Variants in DCBLD2 observed in about 807,000 individuals in gnomAD.
The protein encoded by DCBLD2 is discoidin, CUB and LCCL domain-containing protein 2.
A neutral mutation model predicts 86.8 loss-of-function variants in DCBLD2; 54 were observed. That is an observed-to-expected ratio of 0.62 (90% CI 0.50 to 0.78). The LOEUF (loss-of-function observed/expected upper bound fraction) is 0.78, where lower values mean the gene tolerates loss of function less well. Among genes scored for constraint, DCBLD2 ranks in the 30% least tolerant of loss-of-function variants. The pLI, the probability that DCBLD2 is intolerant of heterozygous loss-of-function variation, is 0.00. For missense variants in DCBLD2, 908 were observed against 954.2 expected, an observed-to-expected ratio of 0.95 and a Z score of 0.64; for synonymous variants, 354 against 341.3, an observed-to-expected ratio of 1.04 and a Z score of -0.41.
intron 8 of DCBLD2, among the ~76,000 whole-genome samples, chr3:98,818,270 C>G (rs1942058439): frequency 6.6e-6 from 1 of 152,054 alleles, no homozygotes; most frequent in Admixed American, 6.6e-5. Context: ...TTAAACCAAT[C>G]CCAACCAATT....
intron 2 of DCBLD2, among the ~76,000 whole-genome samples, chr3:98,857,293 G>A (rs1274482938): frequency 6.6e-6 from 1 of 152,330 alleles, no homozygotes; most frequent in Non-Finnish European, 1.5e-5. Context: ...CAAAGAGTGA[G>A]CAGTAGCAAG....
At chr3:98,852,621 C>T (rs886487870) in intron 2 of DCBLD2, among the ~76,000 whole-genome samples, 38 of 152,100 alleles carry the variant, frequency 2.5e-4, no homozygotes, top group African/African-American at 8.5e-4. Flanking sequence ...TATGGCAAAA[C>T]GGAGATTTTT....
Position 98,799,102 on chromosome 3 carries a change from T to G in DCBLD2, c.*270A>C. ...TGATTTTTAATTTCTCTGAAGTGCATTATAGGGAGCTTTTTCTGTATTAAA... is the reference window on the plus strand; with the variant it reads ...TGATTTTTAATTTCTCTGAAGTGCAGTATAGGGAGCTTTTTCTGTATTAAA... On this transcript the variant is annotated 3_prime_UTR_variant, in exon 16 of 16. Transcript: ENST00000326840. 3.2e-6 allele frequency: 1 copy of G among 315,268 alleles called. No homozygotes were observed. Among genetic ancestry groups the G allele is most frequent in the Non-Finnish European group, 5.9e-6 (1 of 169,608 alleles). The allele number at this position is 315,268 out of a possible 1,614,324, so 19.5% of individuals were successfully genotyped here. A position where few individuals can be genotyped will look rare whatever the true frequency, so the allele number is the denominator to read the frequency against.
intron 2 of DCBLD2, among the ~76,000 whole-genome samples, chr3:98,863,134 G>T (rs1943076922): frequency 6.6e-6 from 1 of 151,940 alleles, no homozygotes; most frequent in Admixed American, 6.6e-5. Context: ...GCTTCAAAGA[G>T]AATAAAATAA....
At chr3:98,820,526 T>C (rs1256403095) in intron 6 of DCBLD2, among the ~76,000 whole-genome samples, 1 of 152,208 alleles carries the variant, frequency 6.6e-6, no homozygotes, top group Non-Finnish European at 1.5e-5. Flanking sequence ...CCCAGTTTCA[T>C]ATGTGATTGT....
chr3:98,889,696 AT>A (rs1943625252), intron 1 of DCBLD2, among the ~76,000 whole-genome samples: 2 of 152,166 alleles, frequency 1.3e-5, no homozygotes, highest in Admixed American at 6.6e-5. Context: ...ATATCCTAAC[AT>A]TGCCTATAAA....
intron 3 of DCBLD2, 46 bp from the exon 4 acceptor site, chr3:98,825,412 T>C: frequency 7.3e-7 from 1 of 1,378,310 alleles, no homozygotes; most frequent in East Asian, 2.8e-5. Context: ...TATACAGGAT[T>C]ACCTTGCTGA....
chr3:98,803,874 C>T (rs1941778159), intron 13 of DCBLD2, among the ~76,000 whole-genome samples: 1 of 152,178 alleles, frequency 6.6e-6, no homozygotes, highest in Non-Finnish European at 1.5e-5. Context: ...TTGAACCAGC[C>T]TGGCATCCCA....
chr3:98,842,739 T>C (rs1433290413), intron 3 of DCBLD2, among the ~76,000 whole-genome samples: 3 of 152,246 alleles, frequency 2.0e-5, no homozygotes, highest in Non-Finnish European at 2.9e-5. Flanking sequence ...CGCTATAAGC[T>C]ACACATGGTT....
At chr3:98,817,403 T>A (rs1359247657) in intron 9 of DCBLD2, among the ~76,000 whole-genome samples, 1 of 152,206 alleles carries the variant, frequency 6.6e-6, no homozygotes, top group Non-Finnish European at 1.5e-5. Context: ...ACCTCTTGCC[T>A]ACAGAGTAGA....
chr3:98,815,895 T>A (rs1942011517), intron 9 of DCBLD2: 2 of 151,492 alleles, frequency 1.3e-5, no homozygotes, highest in African/African-American at 4.8e-5. Context: ...GGAGCATTGG[T>A]GAATGGTAAG....
At position 98,800,428 on chromosome 3, in the gene DCBLD2, G is replaced by C. The variant is rs112352719; in HGVS notation, c.1858+151C>G. On this transcript the variant is annotated intron_variant, in intron 15 of 15. Coordinates refer to ENST00000326840, the MANE Select transcript of DCBLD2 (RefSeq NM_080927.4). ...AGATACAGAAATGACTCTCTGAAGA[G>C]TCACCTTTTAAAAAAGTGGTTCTAC... is the stretch of plus-strand genomic sequence containing the variant. 1.6e-3 allele frequency: 1,238 copies of C among 780,140 alleles called. 12 individuals are homozygous for C. In the East Asian group the frequency reaches 0.017, roughly 11 times the overall value. 48.3% of individuals were successfully genotyped at this position (780,140 alleles called of 1,614,324 possible). A position where few individuals can be genotyped will look rare whatever the true frequency, so the allele number is the denominator to read the frequency against.
intron 13 of DCBLD2, chr3:98,801,864 G>A (rs1941727203): frequency 2.2e-6 from 1 of 455,640 alleles, no homozygotes; most frequent in Admixed American, 3.7e-5. Context: ...CTTCATCCAT[G>A]TCACTACAAA....
intron 1 of DCBLD2, among the ~76,000 whole-genome samples, chr3:98,889,880 T>G (rs1943628300): frequency 6.6e-6 from 1 of 151,966 alleles, no homozygotes; most frequent in Non-Finnish European, 1.5e-5. Flanking sequence ...GGGCCTTGGA[T>G]CTGCAGTTTT....
At chr3:98,818,553 C>T (rs988117002) in intron 8 of DCBLD2, among the ~76,000 whole-genome samples, 5 of 152,116 alleles carry the variant, frequency 3.3e-5, no homozygotes, top group African/African-American at 7.2e-5. Context: ...AAGTATTGTT[C>T]CCAGGTGTGT....
Position 98,796,743 on chromosome 3 carries a change from A to C in DCBLD2, c.*2629T>G, listed in dbSNP as rs1576148836. Reference sequence around the variant, plus strand: ...AGATTTACAGCATTTAATAAAGTATAAGTCAGAATTCACAATATCTTAAAC... The same window carrying C: ...AGATTTACAGCATTTAATAAAGTATCAGTCAGAATTCACAATATCTTAAAC... On this transcript the variant is annotated 3_prime_UTR_variant, in exon 16 of 16. Transcript: ENST00000326840. 6.5e-6 allele frequency: 1 copy of C among 152,788 alleles called. No individual in the cohort carries two copies. The highest frequency in any genetic ancestry group is 1.9e-4 in the East Asian group (1 of 5,182). 9.5% of individuals were successfully genotyped at this position (152,788 alleles called of 1,614,324 possible).
chr3:98,832,866 ATTCT>A (rs753859906), intron 3 of DCBLD2, among the ~76,000 whole-genome samples: 3 of 152,032 alleles, frequency 2.0e-5, no homozygotes, highest in Admixed American at 2.0e-4. Context: ...TGCCTTTAAC[ATTCT>A]TTTATTTAGA....
intron 3 of DCBLD2, among the ~76,000 whole-genome samples, chr3:98,843,786 C>A (rs7612605): frequency 0.53 from 81,217 of 151,838 alleles, 22,051 homozygotes; most frequent in East Asian, 0.76. Flanking sequence ...TAAGGGGTGG[C>A]AGACAATGAA....
rs1397568751 is a variant in DCBLD2 at position 98,897,726 on chromosome 3, T to C, written c.205+3396A>G. Among the ~76,000 whole-genome samples the C allele has an allele frequency of 2.0e-5, 3 of 152,102 alleles. No homozygotes were observed. The East Asian group carries it at 5.8e-4, about 29-fold the overall frequency. On this transcript the variant is annotated intron_variant, in intron 1 of 15. Coordinates refer to ENST00000326840, the MANE Select transcript of DCBLD2 (RefSeq NM_080927.4). Reference sequence around the variant, plus strand: ...AAATTAGCAAAGAAAAACTAATATCTTCACAACATGTTATATATTAATAGG... The same window carrying C: ...AAATTAGCAAAGAAAAACTAATATCCTCACAACATGTTATATATTAATAGG...
Sources: allele counts gnomAD v4.1 joint callset (sites outside exome capture counted in the v4.1 genomes callset), GRCh38; gene constraint gnomAD v4.1.1; transcripts MANE v1.5; gene names NCBI Gene and HGNC (gene_info 2026-07-23, HGNC 2026-07-21).